The following EEFSEC variants were observed in gnomAD, a reference collection of about 807,000 sequenced individuals.
The protein encoded by EEFSEC is selenocysteine-specific elongation factor.
In EEFSEC, 43 loss-of-function variants were observed where a neutral mutation model predicts 42.1. The observed-to-expected ratio is 1.02, with a 90% CI of 0.80 to 1.32. EEFSEC has a LOEUF of 1.32. EEFSEC is among the 40% of genes most tolerant of loss of function. The probability of loss-of-function intolerance (pLI) is 0.00; values close to 1 mark genes in which losing one functional copy is unlikely to be tolerated. For missense variants in EEFSEC, 745 were observed against 803.6 expected (o/e 0.93, Z 0.88); for synonymous variants, 354 against 339.1 (o/e 1.04, Z -0.48).
At chr3:128,402,441 G>A (rs2068058973) in intron 6 of EEFSEC, among the ~76,000 whole-genome samples, 1 of 152,176 alleles carries the variant, frequency 6.6e-6, no homozygotes, top group Non-Finnish European at 1.5e-5. Context: ...CTTGGTCTTA[G>A]AGGCCCTTTG....
the EEFSEC span, among the ~76,000 whole-genome samples, chr3:128,421,034 G>C: frequency 6.6e-6 from 1 of 152,168 alleles, no homozygotes; most frequent in Non-Finnish European, 1.5e-5. Context: ...GGCCAGGAGG[G>C]ACCATGAGCC....
chr3:128,365,461 T>A (rs537013784), intron 6 of EEFSEC, among the ~76,000 whole-genome samples: 7 of 152,354 alleles, frequency 4.6e-5, no homozygotes, highest in African/African-American at 1.7e-4. Flanking sequence ...CTAGTCATTC[T>A]GATTTCCAGG....
At chr3:128,211,709 T>C (rs2107833234) in intron 1 of EEFSEC, among the ~76,000 whole-genome samples, 1 of 151,384 alleles carries the variant, frequency 6.6e-6, no homozygotes, top group African/African-American at 2.4e-5. Flanking sequence ...AGAGACTGGG[T>C]TTCACCATAT....
intron 6 of EEFSEC, among the ~76,000 whole-genome samples, chr3:128,365,254 TG>T (rs1459877161): frequency 6.6e-6 from 1 of 152,172 alleles, no homozygotes; most frequent in East Asian, 1.9e-4. Context: ...TGGAGAGCCC[TG>T]GGCCAACACC....
chr3:128,293,660 C>CAAAAAAAAAAAAAAAAAAAAAAAAAAAA (rs759485696), intron 4 of EEFSEC, among the ~76,000 whole-genome samples: 4 of 14,142 alleles, frequency 2.8e-4, no homozygotes, highest in African/African-American at 5.7e-4. Context: ...GACTCTATCT[C>CAAAAAAAAAAAAAAAAAAAAAAAAAAAA]AAAAAAAAAA....
chr3:128,293,038 A>G (rs1035018143), intron 4 of EEFSEC, among the ~76,000 whole-genome samples: 1 of 152,178 alleles, frequency 6.6e-6, no homozygotes, highest in Admixed American at 6.5e-5. Context: ...CCTTTGACCC[A>G]TGGGTTATTT....
chr3:128,329,291 T>C (rs1389013625), intron 4 of EEFSEC, among the ~76,000 whole-genome samples: 7 of 152,006 alleles, frequency 4.6e-5, no homozygotes, highest in Admixed American at 2.0e-4. Flanking sequence ...AGGATGTGAG[T>C]CCAAGTGATG....
intron 1 of EEFSEC, among the ~76,000 whole-genome samples, chr3:128,233,033 G>A (rs189768735): frequency 6.0e-4 from 92 of 152,306 alleles, no homozygotes; most frequent in Middle Eastern, 3.4e-3. Context: ...CCTGGCTGAC[G>A]ATAAGCTGAT....
intron 5 of EEFSEC, 85 bp downstream of exon 5, chr3:128,341,974 C>G: frequency 2.7e-6 from 4 of 1,499,628 alleles, no homozygotes; most frequent in Non-Finnish European, 8.9e-7. Flanking sequence ...GTGATGAGAG[C>G]CAGAAAGGCC....
At chr3:128,231,259 T>C (rs2065956824) in intron 1 of EEFSEC, among the ~76,000 whole-genome samples, 1 of 152,226 alleles carries the variant, frequency 6.6e-6, no homozygotes, top group Non-Finnish European at 1.5e-5. Flanking sequence ...TTATGAATGA[T>C]GAGGCTTTCC....
At chr3:128,358,855 T>A (rs2067491188) in intron 6 of EEFSEC, among the ~76,000 whole-genome samples, 1 of 152,166 alleles carries the variant, frequency 6.6e-6, no homozygotes, top group South Asian at 2.1e-4. Flanking sequence ...CTGGGGCCTC[T>A]CCGTGGGCTG....
chr3:128,408,489 C>T lies in EEFSEC; in HGVS notation c.*230C>T. On this transcript the variant is annotated 3_prime_UTR_variant, in exon 7 of 7. Transcript: ENST00000254730. ...CTGCACACTCCCACCCAGGACAGCC[C>T]CCAGCCCAACTAGGAAAGGGCCATG... 1 of 413,290 alleles carries T rather than the reference C, an allele frequency of 2.4e-6. No individual in the cohort carries two copies. The allele number at this position is 413,290 out of a possible 1,614,324, so 25.6% of individuals were successfully genotyped here. A position where few individuals can be genotyped will look rare whatever the true frequency, so the allele number is the denominator to read the frequency against.
chr3:128,422,616 G>A, the EEFSEC span, among the ~76,000 whole-genome samples: 3 of 152,226 alleles, frequency 2.0e-5, no homozygotes, highest in Admixed American at 6.5e-5. Context: ...GCTGGCCCTG[G>A]CCCATTAGTT....
chr3:128,232,566 T>A (rs990784972), intron 1 of EEFSEC, among the ~76,000 whole-genome samples: 1 of 152,082 alleles, frequency 6.6e-6, no homozygotes, highest in Non-Finnish European at 1.5e-5. Context: ...ATGGTTAAAA[T>A]GGGGGGAAGG....
intron 1 of EEFSEC, among the ~76,000 whole-genome samples, chr3:128,196,342 A>G (rs1464781568): frequency 6.6e-6 from 1 of 152,200 alleles, no homozygotes; most frequent in Admixed American, 6.5e-5. Flanking sequence ...TAAGATTTTT[A>G]TTTAAAACAA....
chr3:128,255,952 C>T (rs1005563410), intron 2 of EEFSEC, among the ~76,000 whole-genome samples: 5 of 151,998 alleles, frequency 3.3e-5, no homozygotes, highest in Non-Finnish European at 5.9e-5. Flanking sequence ...GGGCTGGATC[C>T]TTCGCCTGGC....
chr3:128,318,454 C>G (rs566253498), intron 4 of EEFSEC, among the ~76,000 whole-genome samples: 1 of 152,186 alleles, frequency 6.6e-6, no homozygotes, highest in Non-Finnish European at 1.5e-5. Flanking sequence ...CCCTGTCCCA[C>G]CCGTTCCTGC....
intron 4 of EEFSEC, among the ~76,000 whole-genome samples, chr3:128,327,289 C>T (rs1369843600): frequency 1.4e-5 from 2 of 138,268 alleles, no homozygotes; most frequent in African/African-American, 6.1e-5. Flanking sequence ...GCACTTTTCC[C>T]ATCCCCCCCC....
intron 4 of EEFSEC, among the ~76,000 whole-genome samples, chr3:128,325,195 T>TGGGGAAG (rs995178414): frequency 3.3e-5 from 5 of 152,276 alleles, no homozygotes; most frequent in South Asian, 2.1e-4. Flanking sequence ...CTTTTGTTCC[T>TGGGGAAG]GGGGAAGGGG....
Sources: gnomAD v4.1 joint callset for allele counts (sites outside exome capture counted in the v4.1 genomes callset) on GRCh38, gnomAD v4.1.1 for gene constraint, MANE v1.5 for transcripts, NCBI Gene and HGNC (gene_info 2026-07-23, HGNC 2026-07-21) for gene names.